Variants in PTPRD observed in about 807,000 individuals in gnomAD.
The protein encoded by PTPRD is protein tyrosine phosphatase receptor type D, also known as receptor-type tyrosine-protein phosphatase delta.
Under a neutral mutation model 214.5 loss-of-function variants are expected in PTPRD, and 34 were observed. The observed-to-expected ratio is 0.16, with a 90% CI of 0.12 to 0.21. The LOEUF is 0.21. Ranked by LOEUF, PTPRD falls within the 10% of genes least tolerant of loss-of-function variation. The pLI is 1.00. For synonymous variants in PTPRD, 1,128 were observed against 845.7 expected (o/e 1.33, Z -5.79); for missense variants, 2,545 against 2,398.7 (o/e 1.06, Z -1.27).
chr9:10,018,152 T>C (rs1437966392), intron 4 of PTPRD, among the ~76,000 whole-genome samples: 1 of 149,792 alleles, frequency 6.7e-6, no homozygotes. Flanking sequence ...CAGGATCTGA[T>C]GAGAAAGAGG....
At chr9:9,802,966 T>G (rs1317315544) in intron 5 of PTPRD, among the ~76,000 whole-genome samples, 1 of 151,884 alleles carries the variant, frequency 6.6e-6, no homozygotes, top group African/African-American at 2.4e-5. Flanking sequence ...CATGGTAAAT[T>G]TACTATTACT....
At chr9:8,320,430 C>T (rs1826215788) in intron 44 of PTPRD, among the ~76,000 whole-genome samples, 2 of 151,990 alleles carry the variant, frequency 1.3e-5, no homozygotes, top group Admixed American at 1.3e-4. Flanking sequence ...ATATGCGATG[C>T]CCATAACCTA....
At chr9:10,130,872 C>T (rs1417468448) in intron 3 of PTPRD, among the ~76,000 whole-genome samples, 1 of 152,124 alleles carries the variant, frequency 6.6e-6, no homozygotes, top group African/African-American at 2.4e-5. Flanking sequence ...GGAAACAAGG[C>T]TCTCAGACCT....
At position 10,436,654 on chromosome 9, in the gene PTPRD, C is replaced by G. The variant is rs566563446; in HGVS notation, c.-599-95637G>C. Among the ~76,000 whole-genome samples, 18 of 151,844 alleles carry G rather than the reference C, an allele frequency of 1.2e-4. No homozygotes were observed. The South Asian group carries it at 2.5e-3, about 21-fold the overall frequency. ...ATATAATGCATAAACTCTTACTTTT[C>G]TCTCTTCTAGTGCTTGAAATAAGTT... On this transcript the variant is annotated intron_variant, in intron 2 of 45. Transcript: ENST00000381196.
chr9:10,175,492 A>G (rs763534693), intron 3 of PTPRD, among the ~76,000 whole-genome samples: 2 of 152,196 alleles, frequency 1.3e-5, no homozygotes, highest in Non-Finnish European at 2.9e-5. Context: ...GATTAAGAAT[A>G]CCAAATACTT....
At chr9:10,490,808 T>G (rs371279730) in intron 2 of PTPRD, among the ~76,000 whole-genome samples, 104 of 152,296 alleles carry the variant, frequency 6.8e-4, no homozygotes, top group African/African-American at 2.5e-3. Context: ...CAGGGAACAT[T>G]TATTTGAAAT....
At position 8,507,333 on chromosome 9, in the gene PTPRD, G is replaced by C. The variant is rs374822380; in HGVS notation, c.1645C>G (p.Leu549Val). Residue 549 changes from leucine to valine, a missense_variant, in exon 22 of 46, where the codon CTG becomes GTG. Leu to Val is a conservative substitution (Grantham distance 32). Coordinates refer to ENST00000381196, the MANE Select transcript of PTPRD (RefSeq NM_002839.4). ...PRSDTIANYE[L>V]VYKDGEHGEE... ...CCATGCTCCCCATCTTTGTAGACCA[G>C]TTCATAGTTGGCAATGGTATCTGAA... The C allele has an allele frequency of 1.5e-5, 24 of 1,613,876 alleles. No homozygotes were observed. The highest frequency in any genetic ancestry group is 1.2e-4 in the South Asian group (11 of 91,078).
intron 11 of PTPRD, among the ~76,000 whole-genome samples, chr9:8,783,159 C>T (rs555039298): frequency 9.2e-5 from 14 of 151,882 alleles, no homozygotes; most frequent in South Asian, 6.2e-4. Flanking sequence ...TAACGAAGAA[C>T]GGAAATTTTC....
At chr9:9,003,079 C>T (rs572549563) in intron 11 of PTPRD, among the ~76,000 whole-genome samples, 62 of 152,118 alleles carry the variant, frequency 4.1e-4, no homozygotes, top group Non-Finnish European at 8.1e-4. Flanking sequence ...ACTGGATCAT[C>T]GCCCCTTTCA....
chr9:9,574,485 T>G (rs909450618), intron 8 of PTPRD, among the ~76,000 whole-genome samples: 1 of 152,068 alleles, frequency 6.6e-6, no homozygotes, highest in Non-Finnish European at 1.5e-5. Flanking sequence ...TATCAATCTT[T>G]ACCTTTGCGG....
chr9:9,570,012 A>G (rs1269235146), intron 8 of PTPRD, among the ~76,000 whole-genome samples: 1 of 151,428 alleles, frequency 6.6e-6, no homozygotes, highest in Middle Eastern at 3.2e-3. Flanking sequence ...CTAGAACTCC[A>G]TTTTTCCCAT....
At chr9:9,916,804 T>G (rs2080964263) in intron 5 of PTPRD, among the ~76,000 whole-genome samples, 1 of 151,972 alleles carries the variant, frequency 6.6e-6, no homozygotes, top group Admixed American at 6.6e-5. Flanking sequence ...CATGGAACAT[T>G]CTCCAGGATT....
intron 5 of PTPRD, among the ~76,000 whole-genome samples, chr9:9,796,474 G>C (rs1165372639): frequency 6.6e-6 from 1 of 152,120 alleles, no homozygotes; most frequent in African/African-American, 2.4e-5. Context: ...AAATAGTCAT[G>C]TAAATTTGAA....
intron 11 of PTPRD, among the ~76,000 whole-genome samples, chr9:8,741,545 T>C (rs1034658854): frequency 2.0e-5 from 3 of 150,836 alleles, no homozygotes; most frequent in Non-Finnish European, 4.4e-5. Context: ...ATGGATTCTA[T>C]TATTTTAATC....
At chr9:8,449,876 A>C (rs370665037) in intron 33 of PTPRD, 39 bp from the exon 34 acceptor site, 2 of 1,592,434 alleles carry the variant, frequency 1.3e-6, no homozygotes, top group Non-Finnish European at 1.7e-6. Context: ...GAAAAGAAAA[A>C]TCAATTGAAA....
intron 36 of PTPRD, among the ~76,000 whole-genome samples, chr9:8,403,628 A>T (rs2092678111): frequency 6.6e-6 from 1 of 152,232 alleles, no homozygotes; most frequent in South Asian, 2.1e-4. Context: ...ATCCTTAATG[A>T]AGCTGGATAG....
At chr9:8,973,236 A>C (rs923370805) in intron 11 of PTPRD, among the ~76,000 whole-genome samples, 1 of 151,680 alleles carries the variant, frequency 6.6e-6, no homozygotes, top group Non-Finnish European at 1.5e-5. Flanking sequence ...CCTCTAATCA[A>C]CTGCCAAGTC....
chr9:8,944,112 C>G (rs1320400585), intron 11 of PTPRD, among the ~76,000 whole-genome samples: 2 of 151,556 alleles, frequency 1.3e-5, no homozygotes, highest in Non-Finnish European at 2.9e-5. Flanking sequence ...AGGTGGTTCT[C>G]AAAAAAAGAC....
chr9:8,612,935 A>G (rs1279928614), intron 14 of PTPRD, among the ~76,000 whole-genome samples: 1 of 152,190 alleles, frequency 6.6e-6, no homozygotes, highest in Non-Finnish European at 1.5e-5. Flanking sequence ...ATTGTTATGA[A>G]CTACTACCGT....
Sources: allele counts gnomAD v4.1 joint callset (sites outside exome capture counted in the v4.1 genomes callset), GRCh38; gene constraint gnomAD v4.1.1; transcripts MANE v1.5; gene names NCBI Gene and HGNC (gene_info 2026-07-23, HGNC 2026-07-21).